Variants in TASP1 observed in about 807,000 individuals in gnomAD.
The protein encoded by TASP1 is taspase 1, also known as threonine aspartase 1.
A neutral mutation model predicts 56.6 loss-of-function variants in TASP1; 16 were observed. The observed-to-expected ratio is 0.28, with a 90% CI of 0.19 to 0.43. The LOEUF is 0.43. Ranked by LOEUF, TASP1 falls within the 20% of genes least tolerant of loss-of-function variation. The pLI is 1.00. For missense variants in TASP1, 393 were observed against 511.6 expected, an observed-to-expected ratio of 0.77 and a Z score of 2.24; for synonymous variants, 179 against 184.2, an observed-to-expected ratio of 0.97 and a Z score of 0.23.
At chr20:13,442,918 T>C (rs1267401937) in intron 11 of TASP1, among the ~76,000 whole-genome samples, 1 of 152,212 alleles carries the variant, frequency 6.6e-6, no homozygotes, top group Non-Finnish European at 1.5e-5. Context: ...AGTCTTGGGA[T>C]AGCAACTATG....
the TASP1 span, among the ~76,000 whole-genome samples, chr20:13,278,826 G>A: frequency 1.3e-5 from 2 of 152,192 alleles, no homozygotes; most frequent in African/African-American, 4.8e-5. Context: ...TCACATGACT[G>A]AGGCCTCAGA....
At chr20:13,431,639 A>G (rs572577434) in intron 12 of TASP1, among the ~76,000 whole-genome samples, 43 of 152,258 alleles carry the variant, frequency 2.8e-4, no homozygotes, top group Admixed American at 1.3e-3. Context: ...AAAAGGAGAA[A>G]AGCGAATGCT....
At chr20:13,469,229 T>C (rs904012493) in intron 11 of TASP1, among the ~76,000 whole-genome samples, 6 of 152,210 alleles carry the variant, frequency 3.9e-5, no homozygotes, top group Non-Finnish European at 8.8e-5. Flanking sequence ...CTATTTTAAA[T>C]GGCTTTTTGG....
chr20:13,563,054 AAC>A (rs923201047), intron 7 of TASP1, among the ~76,000 whole-genome samples: 53 of 147,290 alleles, frequency 3.6e-4, no homozygotes, highest in African/African-American at 1.0e-3. Flanking sequence ...ACACATACAC[AAC>A]ACACACACAC....
the TASP1 span, among the ~76,000 whole-genome samples, chr20:13,253,511 C>T: frequency 3.3e-4 from 50 of 152,228 alleles, no homozygotes; most frequent in African/African-American, 1.1e-3. Context: ...AGCTCCTTAC[C>T]GACTATCAGC....
the TASP1 span, among the ~76,000 whole-genome samples, chr20:13,118,370 A>G: frequency 6.9e-6 from 1 of 145,158 alleles, no homozygotes; most frequent in East Asian, 2.2e-4. Context: ...TGCCTTAAAA[A>G]TTCTGATCTG....
At chr20:13,243,002 A>C in the TASP1 span, among the ~76,000 whole-genome samples, 3 of 152,168 alleles carry the variant, frequency 2.0e-5, no homozygotes, top group African/African-American at 7.2e-5. Context: ...TTTACACAAT[A>C]AGGTTAAGTA....
At chr20:13,470,263 G>A (rs2044438084) in intron 11 of TASP1, among the ~76,000 whole-genome samples, 1 of 152,030 alleles carries the variant, frequency 6.6e-6, no homozygotes. Flanking sequence ...TTAAAAAGGG[G>A]TAGAGGGGGG....
the TASP1 span, among the ~76,000 whole-genome samples, chr20:13,274,511 T>C: frequency 3.9e-5 from 6 of 152,176 alleles, no homozygotes; most frequent in Non-Finnish European, 7.3e-5. Flanking sequence ...GGGAGCTGAA[T>C]GGGAACTTGA....
intron 6 of TASP1, among the ~76,000 whole-genome samples, chr20:13,573,203 T>C (rs2046778341): frequency 6.6e-6 from 1 of 152,240 alleles, no homozygotes; most frequent in East Asian, 1.9e-4. Flanking sequence ...TTTTTTATTA[T>C]TGAAATGTTC....
chr20:13,440,571 C>A (rs2043178660), intron 11 of TASP1, among the ~76,000 whole-genome samples: 1 of 149,908 alleles, frequency 6.7e-6, no homozygotes, highest in Admixed American at 6.6e-5. Flanking sequence ...TGACTATTAC[C>A]AAAAAAATAA....
At chr20:13,618,946 C>T (rs1249662631) in intron 4 of TASP1, among the ~76,000 whole-genome samples, 1 of 152,006 alleles carries the variant, frequency 6.6e-6, no homozygotes, top group Non-Finnish European at 1.5e-5. Flanking sequence ...CGGCTCACTG[C>T]CAACCTCTGC....
chr20:13,409,677 A>C (rs1828139036), intron 13 of TASP1, among the ~76,000 whole-genome samples: 1 of 151,914 alleles, frequency 6.6e-6, no homozygotes, highest in South Asian at 2.1e-4. Flanking sequence ...TATTTTTTTC[A>C]ACTGACATAC....
At chr20:13,501,007 A>G (rs6134892) in intron 10 of TASP1, among the ~76,000 whole-genome samples, 24,922 of 152,080 alleles carry the variant, frequency 0.16, 2,388 homozygotes, top group Middle Eastern at 0.23. Context: ...TACATTACAT[A>G]CAAAGAGACC....
chr20:13,429,872 T>C (rs1006203321), intron 12 of TASP1, among the ~76,000 whole-genome samples: 5 of 152,118 alleles, frequency 3.3e-5, no homozygotes, highest in Admixed American at 6.6e-5. Context: ...TTCTCATTTT[T>C]GCCCTTTCTT....
intron 10 of TASP1, among the ~76,000 whole-genome samples, chr20:13,525,531 T>TG (rs1268884878): frequency 2.0e-5 from 3 of 152,138 alleles, no homozygotes; most frequent in Non-Finnish European, 2.9e-5. Flanking sequence ...CATCTGGCCT[T>TG]GGGAGAGCCC....
the TASP1 span, among the ~76,000 whole-genome samples, chr20:13,285,936 C>G: frequency 6.6e-6 from 1 of 152,128 alleles, no homozygotes; most frequent in African/African-American, 2.4e-5. Context: ...CATGAGATTT[C>G]TGGATAGTGG....
chr20:13,417,529 A>G lies in TASP1; in HGVS notation c.1097-8T>C, dbSNP rs371131674. The G allele has an allele frequency of 1.9e-6, 3 of 1,614,012 alleles. No individual in the cohort carries two copies. In the African/African-American group the frequency reaches 4.0e-5, roughly 22 times the overall value. ...GGCTCCACAGAAATTCCACTGCCATAAAAGAGAACACAAATAGGCACATTC... is the reference window on the plus strand; with the variant it reads ...GGCTCCACAGAAATTCCACTGCCATGAAAGAGAACACAAATAGGCACATTC... On this transcript the variant is annotated splice_polypyrimidine_tract_variant and splice_region_variant and intron_variant, in intron 12 of 13. Transcript: ENST00000337743.
chr20:13,361,276 G>A, the TASP1 span, among the ~76,000 whole-genome samples: 2 of 152,126 alleles, frequency 1.3e-5, no homozygotes, highest in African/African-American at 2.4e-5. Flanking sequence ...GTCTGAGAAG[G>A]CCACCGCAGT....
Sources: allele counts gnomAD v4.1 joint callset (sites outside exome capture counted in the v4.1 genomes callset), GRCh38; gene constraint gnomAD v4.1.1; transcripts MANE v1.5; gene names NCBI Gene and HGNC (gene_info 2026-07-23, HGNC 2026-07-21).